The following NTRK3 variants were observed in gnomAD, a reference collection of about 807,000 sequenced individuals.
The protein encoded by NTRK3 is neurotrophic receptor tyrosine kinase 3, also known as NT-3 growth factor receptor.
A neutral mutation model predicts 91.7 loss-of-function variants in NTRK3; 24 were observed. That is an observed-to-expected ratio of 0.26 (90% confidence interval 0.19 to 0.37). The LOEUF (loss-of-function observed/expected upper bound fraction) is 0.37. Among genes scored for constraint, NTRK3 ranks in the 10% least tolerant of loss-of-function variants. The pLI is 1.00. For missense variants in NTRK3, 880 were observed against 1,068.9 expected (o/e 0.82, Z 2.46); for synonymous variants, 483 against 404.0 (o/e 1.20, Z -2.34).
chr15:87,975,682 A>T (rs983638145), intron 14 of NTRK3, among the ~76,000 whole-genome samples: 6 of 152,172 alleles, frequency 3.9e-5, no homozygotes, highest in African/African-American at 4.8e-5. Context: ...GCAGTAAAAC[A>T]TGGAAAACGG....
At chr15:88,046,282 A>G (rs1352095931) in intron 13 of NTRK3, among the ~76,000 whole-genome samples, 1 of 152,130 alleles carries the variant, frequency 6.6e-6, no homozygotes, top group Non-Finnish European at 1.5e-5. Context: ...GATTCATGCC[A>G]CACCTTCCAG....
intron 13 of NTRK3, among the ~76,000 whole-genome samples, chr15:88,125,558 G>T (rs1289222344): frequency 7.1e-6 from 1 of 141,138 alleles, no homozygotes; most frequent in Non-Finnish European, 1.5e-5. Flanking sequence ...TTTTGGAACT[G>T]GTACCCAGCC....
intron 13 of NTRK3, among the ~76,000 whole-genome samples, chr15:88,079,723 G>A (rs2150626524): frequency 1.3e-5 from 2 of 152,208 alleles, no homozygotes; most frequent in Non-Finnish European, 2.9e-5. Context: ...TTAAGTAAAG[G>A]ACAGTCATCA....
At chr15:87,922,669 G>C (rs1324021090) in intron 17 of NTRK3, among the ~76,000 whole-genome samples, 1 of 152,160 alleles carries the variant, frequency 6.6e-6, no homozygotes, top group East Asian at 1.9e-4. Context: ...AAACAATACA[G>C]GCTTTTAGTC....
chr15:87,888,056 T>C (rs1484794583), intron 17 of NTRK3, among the ~76,000 whole-genome samples: 1 of 152,172 alleles, frequency 6.6e-6, no homozygotes, highest in Non-Finnish European at 1.5e-5. Flanking sequence ...AATAAGTACT[T>C]GGAGGGAAAC....
At chr15:88,184,019 A>C (rs2046746647) in intron 4 of NTRK3, among the ~76,000 whole-genome samples, 2 of 152,188 alleles carry the variant, frequency 1.3e-5, no homozygotes, top group African/African-American at 4.8e-5. Context: ...TCTCTAGACT[A>C]GGGTGAGACA....
At chr15:87,929,888 G>C (rs779203836) in intron 16 of NTRK3, among the ~76,000 whole-genome samples, 16 of 152,194 alleles carry the variant, frequency 1.1e-4, no homozygotes, top group Non-Finnish European at 1.9e-4. Context: ...CTCAGCCAAA[G>C]TCCCAGAGGT....
intron 13 of NTRK3, among the ~76,000 whole-genome samples, chr15:88,111,478 T>C (rs911714952): frequency 6.6e-6 from 1 of 152,180 alleles, no homozygotes; most frequent in South Asian, 2.1e-4. Flanking sequence ...AGTATGAAGC[T>C]GTTAGCTTAG....
chr15:87,883,148 G>T (rs2065344105), intron 17 of NTRK3, among the ~76,000 whole-genome samples: 1 of 150,538 alleles, frequency 6.6e-6, no homozygotes, highest in African/African-American at 2.4e-5. Flanking sequence ...GATATATATA[G>T]CCAATTACAT....
chr15:87,930,175 G>C (rs1319350861), intron 16 of NTRK3, among the ~76,000 whole-genome samples: 3 of 152,190 alleles, frequency 2.0e-5, no homozygotes, highest in African/African-American at 7.2e-5. Context: ...GCAGTGCACA[G>C]TGGAGAGAGC....
At chr15:87,984,313 T>C (rs984346490) in intron 14 of NTRK3, among the ~76,000 whole-genome samples, 3 of 152,228 alleles carry the variant, frequency 2.0e-5, no homozygotes, top group African/African-American at 7.2e-5. Context: ...GACACATGTC[T>C]CTTGCTTCTT....
rs568695796 is a variant in NTRK3, at chr15:88,237,639, C to A, written c.248+18267G>T. On this transcript the variant is annotated intron_variant, in intron 3 of 18. Transcript: ENST00000394480. The surrounding 1 kb of genome is among the most constrained non-coding windows in gnomAD (Gnocchi z 4.0). ...CCTTCTCAGATGTTGCACTTGCTTG[C>A]GTGTGTCCTTCCCTTTATCCACCTC... Among the ~76,000 whole-genome samples the A allele has an allele frequency of 6.6e-6, 1 of 152,206 alleles. No homozygotes were observed. Among genetic ancestry groups the A allele is most frequent in the Admixed American group, 6.5e-5 (1 of 15,286 alleles).
At chr15:87,931,219 T>C (rs758239524) in intron 16 of NTRK3, 4 of 518,436 alleles carry the variant, frequency 7.7e-6, no homozygotes, top group Middle Eastern at 3.2e-4. Flanking sequence ...CTGGTGGCTC[T>C]TGGGGCTGGA....
chr15:88,008,491 A>T (rs1440775366), intron 14 of NTRK3, among the ~76,000 whole-genome samples: 3 of 152,056 alleles, frequency 2.0e-5, no homozygotes, highest in African/African-American at 7.2e-5. Context: ...ACAGTGGTCC[A>T]AGAACCCTAG....
At chr15:88,121,604 A>G (rs1398061961) in intron 13 of NTRK3, among the ~76,000 whole-genome samples, 2 of 152,186 alleles carry the variant, frequency 1.3e-5, no homozygotes, top group Non-Finnish European at 2.9e-5. Flanking sequence ...ATATTTTTAT[A>G]TGTTTCTGTA....
intron 13 of NTRK3, chr15:88,098,947 A>C (rs1410722120): frequency 4.3e-6 from 1 of 232,364 alleles, no homozygotes; most frequent in East Asian, 6.1e-5. Context: ...TGGGGTTTTT[A>C]ATTTGTGGCA....
chr15:88,192,991 C>G (rs1247750554), intron 3 of NTRK3, among the ~76,000 whole-genome samples: 1 of 152,180 alleles, frequency 6.6e-6, no homozygotes, highest in African/African-American at 2.4e-5. Flanking sequence ...ATCAGTGTCT[C>G]TACATTAGAA....
intron 5 of NTRK3, among the ~76,000 whole-genome samples, chr15:88,167,794 G>A (rs2045126215): frequency 6.6e-6 from 1 of 152,086 alleles, no homozygotes; most frequent in Non-Finnish European, 1.5e-5. Context: ...ATACGTACCT[G>A]CAGGCTCTGG....
intron 6 of NTRK3, chr15:88,143,923 T>C (rs1403097825): frequency 1.3e-5 from 2 of 152,224 alleles, no homozygotes; most frequent in African/African-American, 4.8e-5. Flanking sequence ...GTCTGCTCCA[T>C]GCATGCAGGG....
Sources: gnomAD v4.1 joint callset for allele counts (sites outside exome capture counted in the v4.1 genomes callset) on GRCh38, gnomAD v4.1.1 for gene constraint, Gnocchi (gnomAD v3.1) non-coding constraint, MANE v1.5 for transcripts, NCBI Gene and HGNC (gene_info 2026-07-23, HGNC 2026-07-21) for gene names.